ANO6: variants seen among roughly 807,000 people sequenced by gnomAD.
ANO6 encodes anoctamin 6.
In ANO6, 106 loss-of-function variants were observed where a neutral mutation model predicts 117.5. The ratio of observed to expected loss-of-function variants is 0.90; its 90% CI spans 0.77 to 1.06. ANO6 has a LOEUF of 1.06. Ranked by LOEUF, ANO6 falls within the 50% of genes least tolerant of loss-of-function variation. ANO6 has a pLI of 0.00. For missense variants in ANO6, 955 were observed against 1,121.1 expected, an observed-to-expected ratio of 0.85 and a Z score of 2.12; for synonymous variants, 367 against 385.1, an observed-to-expected ratio of 0.95 and a Z score of 0.55.
intron 13 of ANO6, 118 bp from the exon 14 acceptor site, chr12:45,402,952 CAG>C (rs757422764): frequency 6.3e-6 from 6 of 953,096 alleles, no homozygotes; most frequent in Non-Finnish European, 9.6e-6. Context: ...TAAATGGAAA[CAG>C]TGTGAATTGT....
In ANO6 at chr12:45,431,245, C is replaced by T. The variant is rs992933100; in HGVS notation, c.*1934C>T. 32 of 985,176 alleles carry T rather than the reference C, an allele frequency of 3.2e-5. 1 individual carries two copies. The highest frequency in any genetic ancestry group is 2.8e-4 in the South Asian group (6 of 21,268). 61.0% of individuals were successfully genotyped at this position (985,176 alleles called of 1,614,324 possible). A position where few individuals can be genotyped will look rare whatever the true frequency, so the allele number is the denominator to read the frequency against. On this transcript the variant is annotated 3_prime_UTR_variant, in exon 20 of 20. Transcript: ENST00000320560. ...CCACTGAAGGAAACTCTTTCTCATT[C>T]GCAGCCAAGACGGGAGTGCCACTGT...
chr12:45,392,080 C>T (rs7308503), intron 12 of ANO6, among the ~76,000 whole-genome samples: 2,762 of 152,190 alleles, frequency 0.018, 78 homozygotes, highest in African/African-American at 0.062. Flanking sequence ...AGGGGTCGGG[C>T]GATTTCCCTT....
intron 12 of ANO6, among the ~76,000 whole-genome samples, chr12:45,401,461 G>T (rs568759722): frequency 6.6e-6 from 1 of 152,176 alleles, no homozygotes; most frequent in Non-Finnish European, 1.5e-5. Flanking sequence ...GCTGTCTGAA[G>T]ATACTCTTTT....
intron 2 of ANO6, among the ~76,000 whole-genome samples, chr12:45,302,509 C>G (rs892447096): frequency 7.9e-5 from 12 of 152,176 alleles, no homozygotes; most frequent in African/African-American, 2.7e-4. Context: ...CCCTTTCATC[C>G]TGGAGCTTTC....
intron 1 of ANO6, among the ~76,000 whole-genome samples, chr12:45,222,535 GT>G (rs1239853308): frequency 6.6e-6 from 1 of 152,066 alleles, no homozygotes; most frequent in Non-Finnish European, 1.5e-5. Flanking sequence ...TGACACATAT[GT>G]TTTTGTCCAT....
intron 9 of ANO6, among the ~76,000 whole-genome samples, chr12:45,371,144 T>A (rs1941819953): frequency 6.6e-6 from 1 of 152,154 alleles, no homozygotes; most frequent in Non-Finnish European, 1.5e-5. Flanking sequence ...AATACTGCGC[T>A]TTTCTGACGG....
chr12:45,301,254 C>T (rs1178332379), intron 1 of ANO6, among the ~76,000 whole-genome samples: 2 of 145,632 alleles, frequency 1.4e-5, no homozygotes, highest in Non-Finnish European at 1.5e-5. Flanking sequence ...TTTTTAAAAA[C>T]GTCTCTACTA....
At chr12:45,337,912 A>G (rs1217475216) in intron 3 of ANO6, among the ~76,000 whole-genome samples, 1 of 152,098 alleles carries the variant, frequency 6.6e-6, no homozygotes, top group Non-Finnish European at 1.5e-5. Context: ...TAAAATAAAT[A>G]TAAATGTTAG....
At chr12:45,373,685 C>T (rs937286519) in intron 9 of ANO6, among the ~76,000 whole-genome samples, 9 of 152,078 alleles carry the variant, frequency 5.9e-5, no homozygotes, top group South Asian at 2.1e-4. Context: ...CACAACATAC[C>T]GGAATCTCTG....
intron 12 of ANO6, among the ~76,000 whole-genome samples, chr12:45,398,031 AC>A (rs1188958215): frequency 2.0e-5 from 3 of 152,216 alleles, no homozygotes; most frequent in African/African-American, 7.2e-5. Flanking sequence ...AGAAGTAAAA[AC>A]GTTTTCTAAA....
chr12:45,270,465 A>G (rs1258555465), intron 1 of ANO6: 3 of 1,521,806 alleles, frequency 2.0e-6, no homozygotes, highest in Non-Finnish European at 2.6e-6. Flanking sequence ...CCTTCAGGTG[A>G]TGTTCCTGCC....
At chr12:45,355,063 G>T (rs1487994119) in intron 7 of ANO6, among the ~76,000 whole-genome samples, 1 of 152,178 alleles carries the variant, frequency 6.6e-6, no homozygotes, top group Non-Finnish European at 1.5e-5. Flanking sequence ...TAAAGTGACT[G>T]CTTCTGGGCA....
rs776562239 is a variant in ANO6, at chr12:45,388,152, C to T, written c.1166-9C>T. 35 of 1,613,642 alleles carry T rather than the reference C, an allele frequency of 2.2e-5. No individual in the cohort carries two copies. The South Asian group carries it at 3.3e-4, about 15-fold the overall frequency. ...AAAATCCACACAAGCTCTTCTGTCTCTCTGTTAGTTACCTTGTTTTTGGAG... is the reference window on the plus strand; with the variant it reads ...AAAATCCACACAAGCTCTTCTGTCTTTCTGTTAGTTACCTTGTTTTTGGAG... On this transcript the variant is annotated splice_polypyrimidine_tract_variant and intron_variant, in intron 10 of 19. Transcript: ENST00000320560.
chr12:45,434,951 G>A (rs1269358831), downstream of ANO6, among the ~76,000 whole-genome samples: 1 of 152,170 alleles, frequency 6.6e-6, no homozygotes, highest in African/African-American at 2.4e-5. Flanking sequence ...TCTCCTTCAT[G>A]AGGATAAATC....
intron 1 of ANO6, among the ~76,000 whole-genome samples, chr12:45,279,909 CAA>C (rs1045765447): frequency 8.5e-5 from 13 of 152,182 alleles, no homozygotes; most frequent in African/African-American, 3.1e-4. Context: ...CTGACATTTT[CAA>C]AGTCAGGTAA....
chr12:45,368,172 G>C (rs1459294959), intron 9 of ANO6, among the ~76,000 whole-genome samples: 1 of 152,118 alleles, frequency 6.6e-6, no homozygotes, highest in African/African-American at 2.4e-5. Flanking sequence ...TTGAATTTTG[G>C]ATTTTGGAAT....
intron 1 of ANO6, chr12:45,228,402 G>A: frequency 4.3e-6 from 1 of 231,848 alleles, no homozygotes; most frequent in South Asian, 4.5e-5. Context: ...GCCTCTCAAA[G>A]TGCTGAGATT....
chr12:45,393,264 T>G (rs1565745369), intron 12 of ANO6, among the ~76,000 whole-genome samples: 1 of 152,052 alleles, frequency 6.6e-6, no homozygotes, highest in Non-Finnish European at 1.5e-5. Flanking sequence ...AAGATCAAAT[T>G]AATGAAATAA....
At chr12:45,284,700 G>A (rs1333113893) in intron 1 of ANO6, among the ~76,000 whole-genome samples, 1 of 152,148 alleles carries the variant, frequency 6.6e-6, no homozygotes, top group African/African-American at 2.4e-5. Context: ...AAATACCTTA[G>A]TGACTGTTGT....
Sources: allele counts gnomAD v4.1 joint callset (sites outside exome capture counted in the v4.1 genomes callset), GRCh38; gene constraint gnomAD v4.1.1; transcripts MANE v1.5; gene names NCBI Gene and HGNC (gene_info 2026-07-23, HGNC 2026-07-21).